Variants in PRIMA1 observed in about 807,000 individuals in gnomAD.
PRIMA1 encodes the protein proline rich membrane anchor 1.
PRIMA1 carries 7 observed loss-of-function variants against 17.5 expected under a neutral mutation model. The observed-to-expected ratio is 0.40, with a 90% CI of 0.23 to 0.75. The LOEUF (loss-of-function observed/expected upper bound fraction) is 0.75. Ranked by LOEUF, PRIMA1 falls within the 30% of genes least tolerant of loss-of-function variation. PRIMA1 has a pLI of 0.37. For missense variants in PRIMA1, 200 were observed against 201.8 expected (o/e 0.99, Z 0.05); for synonymous variants, 97 against 77.9 (o/e 1.25, Z -1.29).
intron 2 of PRIMA1, among the ~76,000 whole-genome samples, chr14:93,787,285 G>T (rs756957898): frequency 6.6e-6 from 1 of 152,206 alleles, no homozygotes; most frequent in Admixed American, 6.5e-5. Context: ...TGGTGAGAAA[G>T]AAATAATATA....
At chr14:93,738,592 G>A (rs1384406944) in intron 3 of PRIMA1, among the ~76,000 whole-genome samples, 1 of 152,198 alleles carries the variant, frequency 6.6e-6, no homozygotes, top group Non-Finnish European at 1.5e-5. Flanking sequence ...ACTTTGAGGG[G>A]TGCAACAGTA....
At chr14:93,733,648 A>C (rs2076129916) in intron 4 of PRIMA1, among the ~76,000 whole-genome samples, 1 of 151,574 alleles carries the variant, frequency 6.6e-6, no homozygotes, top group Non-Finnish European at 1.5e-5. Context: ...AATTCCTAGG[A>C]CTCGAGGCTA....
At chr14:93,778,905 TCG>T (rs1885299562) in intron 3 of PRIMA1, among the ~76,000 whole-genome samples, 1 of 152,076 alleles carries the variant, frequency 6.6e-6, no homozygotes, top group African/African-American at 2.4e-5. Context: ...GATCTGGCCT[TCG>T]GAACTATCCA....
At chr14:93,732,002 CGCTT>C (rs532750288) in intron 4 of PRIMA1, among the ~76,000 whole-genome samples, 37 of 152,362 alleles carry the variant, frequency 2.4e-4, no homozygotes, top group Non-Finnish European at 5.3e-4. Context: ...GGAAGCAGCA[CGCTT>C]GCTTAAGGTC....
chr14:93,781,032 C>T (rs1387248780), intron 2 of PRIMA1, among the ~76,000 whole-genome samples: 1 of 152,222 alleles, frequency 6.6e-6, no homozygotes, highest in Non-Finnish European at 1.5e-5. Flanking sequence ...TCCCATCGCA[C>T]CTGGAAGATG....
chr14:93,777,336 CCATT>C (rs1451639815), intron 3 of PRIMA1, among the ~76,000 whole-genome samples: 7 of 141,286 alleles, frequency 5.0e-5, no homozygotes, highest in South Asian at 4.6e-4. Context: ...TGGAACAATC[CCATT>C]CATTCTTTTT....
At chr14:93,762,427 T>G (rs1884761781) in intron 3 of PRIMA1, among the ~76,000 whole-genome samples, 1 of 150,970 alleles carries the variant, frequency 6.6e-6, no homozygotes, top group Non-Finnish European at 1.5e-5. Flanking sequence ...CACCCCCCAA[T>G]CCCAGGCCCA....
intron 4 of PRIMA1, among the ~76,000 whole-genome samples, chr14:93,731,602 G>T (rs561685730): frequency 6.6e-6 from 1 of 152,288 alleles, no homozygotes; most frequent in East Asian, 1.9e-4. Flanking sequence ...TGACTCTTTG[G>T]AGAGGACACA....
In PRIMA1 at chr14:93,721,156, G is replaced by A. The variant is rs1305705681; in HGVS notation, c.*288C>T. On this transcript the variant is annotated 3_prime_UTR_variant, in exon 5 of 5. Coordinates refer to ENST00000393140, the MANE Select transcript of PRIMA1 (RefSeq NM_178013.4). ...GCGCATGCTTTAGACAGCAGCTGGG[G>A]GCAGTCGACAGACCAGACACCAGAC... The A allele has an allele frequency of 2.8e-5, 11 of 398,642 alleles. No homozygotes were observed. Among genetic ancestry groups the A allele is most frequent in the Non-Finnish European group, 1.4e-5 (3 of 221,054 alleles). 24.7% of individuals were successfully genotyped at this position (398,642 alleles called of 1,614,324 possible).
At chr14:93,730,899 T>A (rs1242597480) in intron 4 of PRIMA1, among the ~76,000 whole-genome samples, 1 of 152,016 alleles carries the variant, frequency 6.6e-6, no homozygotes, top group Non-Finnish European at 1.5e-5. Context: ...GGTAGCAGGT[T>A]CCCAGGGAGG....
chr14:93,769,623 C>T (rs1001493916), intron 3 of PRIMA1, among the ~76,000 whole-genome samples: 1 of 152,204 alleles, frequency 6.6e-6, no homozygotes, highest in African/African-American at 2.4e-5. Context: ...CATAAGGAGC[C>T]TGTCGCCTGC....
chr14:93,778,341 C>G (rs1324733251), intron 3 of PRIMA1, among the ~76,000 whole-genome samples: 1 of 152,214 alleles, frequency 6.6e-6, no homozygotes. Flanking sequence ...GAAATTCACA[C>G]AAATTGCAAA....
In PRIMA1 at chr14:93,788,240, C is replaced by A. The variant is rs190761462; in HGVS notation, c.-32+170G>T. Among the ~76,000 whole-genome samples the A allele has an allele frequency of 4.5e-3, 690 of 152,274 alleles. 6 individuals carry two copies. Among genetic ancestry groups the A allele is most frequent in the Middle Eastern group, 0.031 (9 of 294 alleles). ...GCATGCACGGCCCCAAGAAATCTCA[C>A]GCTGCCTGCACCCACACTGCCCAGC... On this transcript the variant is annotated intron_variant, in intron 1 of 4. Coordinates refer to ENST00000393140, the MANE Select transcript of PRIMA1 (RefSeq NM_178013.4).
At chr14:93,765,391 A>G (rs1566974243) in intron 3 of PRIMA1, among the ~76,000 whole-genome samples, 1 of 150,536 alleles carries the variant, frequency 6.6e-6, no homozygotes, top group African/African-American at 2.5e-5. Context: ...CGGATCAGAC[A>G]CTTAATAGGT....
intron 2 of PRIMA1, among the ~76,000 whole-genome samples, chr14:93,784,131 AAAC>A (rs1333105045): frequency 6.6e-6 from 1 of 152,230 alleles, no homozygotes; most frequent in Non-Finnish European, 1.5e-5. Flanking sequence ...AATTTCAGAT[AAAC>A]AACAAATAAT....
At chr14:93,729,006 C>T (rs1162924603) in intron 4 of PRIMA1, among the ~76,000 whole-genome samples, 2 of 152,190 alleles carry the variant, frequency 1.3e-5, no homozygotes, top group African/African-American at 2.4e-5. Context: ...CTGACCTCTT[C>T]CTGGATGGAG....
At chr14:93,764,457 A>T (rs1382402898) in intron 3 of PRIMA1, among the ~76,000 whole-genome samples, 1 of 150,274 alleles carries the variant, frequency 6.7e-6, no homozygotes, top group Non-Finnish European at 1.5e-5. Context: ...GTCCACAGGC[A>T]TCTCAAACTC....
At chr14:93,785,200 A>AAAAG (rs1885489339) in intron 2 of PRIMA1, among the ~76,000 whole-genome samples, 1 of 151,646 alleles carries the variant, frequency 6.6e-6, no homozygotes, top group African/African-American at 2.4e-5. Context: ...AAAAAAAAAA[A>AAAAG]AAAAAAAGAA....
At chr14:93,729,090 T>C (rs1489358779) in intron 4 of PRIMA1, among the ~76,000 whole-genome samples, 1 of 152,142 alleles carries the variant, frequency 6.6e-6, no homozygotes, top group Non-Finnish European at 1.5e-5. Flanking sequence ...GCCTAGAAGG[T>C]GGCAGTGAGG....
Sources: gnomAD v4.1 joint callset for allele counts (sites outside exome capture counted in the v4.1 genomes callset) on GRCh38, gnomAD v4.1.1 for gene constraint, MANE v1.5 for transcripts, NCBI Gene and HGNC (gene_info 2026-07-23, HGNC 2026-07-21) for gene names.